Variants in ERC2 observed in about 807,000 individuals in gnomAD.
The protein encoded by ERC2 is ELKS/RAB6-interacting/CAST family member 2, also known as ERC protein 2.
A neutral mutation model predicts 114.8 loss-of-function variants in ERC2; 42 were observed. The ratio of observed to expected loss-of-function variants is 0.37; its 90% confidence interval spans 0.29 to 0.47. ERC2 has a LOEUF of 0.47. Ranked by LOEUF, ERC2 falls within the 20% of genes least tolerant of loss-of-function variation. ERC2 has a pLI of 0.99. For synonymous variants in ERC2, 454 were observed against 425.5 expected, an observed-to-expected ratio of 1.07 and a Z score of -0.82; for missense variants, 939 against 1,150.7, an observed-to-expected ratio of 0.82 and a Z score of 2.66.
chr3:55,888,115 A>G (rs1267457260), intron 14 of ERC2, among the ~76,000 whole-genome samples: 4 of 152,184 alleles, frequency 2.6e-5, no homozygotes, highest in Non-Finnish European at 5.9e-5. Flanking sequence ...TTTCCAACAG[A>G]TCTATGAATC....
At chr3:55,906,124 A>C (rs1485347148) in intron 13 of ERC2, among the ~76,000 whole-genome samples, 1 of 152,040 alleles carries the variant, frequency 6.6e-6, no homozygotes, top group African/African-American at 2.4e-5. Context: ...TACTCACCTG[A>C]CTCATAACTA....
chr3:55,804,260 A>C (rs2059409984), intron 14 of ERC2, among the ~76,000 whole-genome samples: 1 of 152,140 alleles, frequency 6.6e-6, no homozygotes, highest in South Asian at 2.1e-4. Context: ...TTACCCTCAA[A>C]GGGTAACTTT....
intron 15 of ERC2, among the ~76,000 whole-genome samples, chr3:55,719,391 A>G (rs2064314358): frequency 6.6e-6 from 1 of 152,230 alleles, no homozygotes; most frequent in Non-Finnish European, 1.5e-5. Context: ...CTCAAGCCTA[A>G]GAACATTGTT....
At chr3:56,049,198 G>C (rs1214762322) in intron 7 of ERC2, among the ~76,000 whole-genome samples, 1 of 152,196 alleles carries the variant, frequency 6.6e-6, no homozygotes, top group Non-Finnish European at 1.5e-5. Flanking sequence ...GACTTGTGTT[G>C]ACAAAGATGA....
Position 56,163,633 on chromosome 3 carries a change from T to G in ERC2, c.1149+9813A>C, listed in dbSNP as rs575807132. On this transcript the variant is annotated intron_variant, in intron 4 of 17. Transcript: ENST00000288221. ...AATGCCTTTCTTTGTCCTTTTTAAC[T>G]GTTGTTGGTTTTAAAAGTCTGTTTT... Among the ~76,000 whole-genome samples, 274 of 152,248 alleles carry G rather than the reference T, an allele frequency of 1.8e-3. 1 individual carries two copies. Among genetic ancestry groups the G allele is most frequent in the Non-Finnish European group, 3.5e-3 (240 of 67,960 alleles).
intron 17 of ERC2, among the ~76,000 whole-genome samples, chr3:55,550,553 A>T (rs1795639): frequency 0.41 from 61,849 of 152,084 alleles, 15,013 homozygotes; most frequent in East Asian, 0.71. Context: ...TATTCATAAT[A>T]TGGATTCATA....
intron 3 of ERC2, among the ~76,000 whole-genome samples, chr3:56,201,501 A>G (rs1030320751): frequency 2.0e-5 from 3 of 152,228 alleles, no homozygotes; most frequent in Non-Finnish European, 4.4e-5. Flanking sequence ...CTAAGGAACT[A>G]GGAATAGAAT....
intron 6 of ERC2, among the ~76,000 whole-genome samples, chr3:56,127,447 G>C (rs564639183): frequency 1.9e-4 from 29 of 152,134 alleles, no homozygotes; most frequent in Non-Finnish European, 4.0e-4. Flanking sequence ...AACAAACCAG[G>C]CTGGCCGCAG....
At chr3:55,692,133 C>T (rs1172352989) in intron 16 of ERC2, among the ~76,000 whole-genome samples, 1 of 152,162 alleles carries the variant, frequency 6.6e-6, no homozygotes, top group Non-Finnish European at 1.5e-5. Flanking sequence ...GCCTGTCTGT[C>T]AGAGTTCAAA....
chr3:55,532,461 A>G (rs1422060678), intron 17 of ERC2, among the ~76,000 whole-genome samples: 3 of 152,230 alleles, frequency 2.0e-5, no homozygotes, highest in Non-Finnish European at 4.4e-5. Flanking sequence ...AAGCAAACAA[A>G]CCTCTATGTC....
intron 15 of ERC2, among the ~76,000 whole-genome samples, chr3:55,700,708 G>C (rs548115327): frequency 1.4e-4 from 22 of 152,170 alleles, no homozygotes; most frequent in African/African-American, 5.1e-4. Context: ...ATTTAATCTA[G>C]GAGCCTTTTC....
intron 16 of ERC2, among the ~76,000 whole-genome samples, chr3:55,687,603 G>T (rs1299668929): frequency 6.6e-6 from 1 of 152,168 alleles, no homozygotes; most frequent in Non-Finnish European, 1.5e-5. Flanking sequence ...TTGCTGGAAG[G>T]GGTGCAAGGA....
intron 14 of ERC2, among the ~76,000 whole-genome samples, chr3:55,783,812 A>G (rs899776988): frequency 1.3e-5 from 2 of 152,226 alleles, no homozygotes; most frequent in African/African-American, 4.8e-5. Flanking sequence ...CAAGGTCCCA[A>G]CACTGAAAGC....
chr3:56,357,651 A>G (rs1361301242), intron 2 of ERC2, among the ~76,000 whole-genome samples: 1 of 151,732 alleles, frequency 6.6e-6, no homozygotes, highest in Admixed American at 6.6e-5. Context: ...TACAGAGTGT[A>G]CCGCTAATGG....
intron 7 of ERC2, among the ~76,000 whole-genome samples, chr3:56,041,261 G>T (rs2075175325): frequency 6.6e-6 from 1 of 151,988 alleles, no homozygotes; most frequent in African/African-American, 2.4e-5. Context: ...CATCTGTTTT[G>T]GTTTAGCATA....
rs530602028 is a variant in ERC2, at chr3:56,146,477, A to G, written c.1305+2500T>C. The stretch of plus-strand genomic sequence containing the variant: ...ACAATAAAAGAGGTGTCTGCATGAC[A>G]TAAGAATTCATCTTATTTGTATTTC... On this transcript the variant is annotated intron_variant, in intron 5 of 17. Coordinates refer to ENST00000288221, the MANE Select transcript of ERC2 (RefSeq NM_015576.3). Among the ~76,000 whole-genome samples the G allele has an allele frequency of 2.0e-5, 3 of 152,332 alleles. No homozygotes were observed. The South Asian group carries it at 6.2e-4, about 32-fold the overall frequency.
At chr3:56,141,548 A>G (rs1345828572) in intron 5 of ERC2, among the ~76,000 whole-genome samples, 1 of 152,148 alleles carries the variant, frequency 6.6e-6, no homozygotes, top group African/African-American at 2.4e-5. Context: ...CAAAGGGAAG[A>G]ATTTCAATGT....
At chr3:56,101,224 A>AGCCTGCC (rs2078336401) in intron 6 of ERC2, among the ~76,000 whole-genome samples, 1 of 152,130 alleles carries the variant, frequency 6.6e-6, no homozygotes, top group East Asian at 1.9e-4. Flanking sequence ...TCCAGCCTGC[A>AGCCTGCC]CCTCCGTAAC....
intron 1 of ERC2, among the ~76,000 whole-genome samples, chr3:56,443,958 A>ATTTTTTTTTTTTTTTT (rs11343406): frequency 2.7e-4 from 22 of 80,236 alleles, no homozygotes; most frequent in Admixed American, 5.7e-4. Flanking sequence ...AATACCTACA[A>ATTTTTTTTTTTTTTTT]TTTTTTTTTT....
Sources: allele counts gnomAD v4.1 joint callset (sites outside exome capture counted in the v4.1 genomes callset), GRCh38; gene constraint gnomAD v4.1.1; transcripts MANE v1.5; gene names NCBI Gene and HGNC (gene_info 2026-07-23, HGNC 2026-07-21).